MYO9A: variants seen among roughly 807,000 people sequenced by gnomAD.
The protein encoded by MYO9A is myosin IXA.
Under a neutral mutation model 293.3 loss-of-function variants are expected in MYO9A, and 103 were observed. The ratio of observed to expected loss-of-function variants is 0.35; its 90% CI spans 0.30 to 0.41. The LOEUF (loss-of-function observed/expected upper bound fraction) is 0.41. Among genes scored for constraint, MYO9A ranks in the 10% least tolerant of loss-of-function variants. The probability of loss-of-function intolerance (pLI) is 1.00; values close to 1 mark genes in which losing one functional copy is unlikely to be tolerated. For synonymous variants in MYO9A, 1,001 were observed against 1,035.7 expected, an observed-to-expected ratio of 0.97 and a Z score of 0.64; for missense variants, 2,685 against 3,033.0, an observed-to-expected ratio of 0.89 and a Z score of 2.69.
intron 34 of MYO9A, among the ~76,000 whole-genome samples, 178 bp downstream of exon 34, chr15:71,859,557 A>ATG (rs1387410767): frequency 6.6e-6 from 1 of 152,226 alleles, no homozygotes; most frequent in Non-Finnish European, 1.5e-5. Context: ...TTTTGTACAT[A>ATG]TATCACCAAA....
Position 71,878,115 on chromosome 15 carries a change from A to G in MYO9A, c.5856T>C (p.Val1952=). The change falls in exon 31 of 42, where the codon GTT becomes GTC. Residue 1952 remains valine (V), a synonymous_variant. Coordinates refer to ENST00000356056, the MANE Select transcript of MYO9A (RefSeq NM_006901.4). The part of the protein sequence containing the change: ...RDSLGESPVR[V]WVNTFKVFLD... ...AAAACACTTTAAAAGTGTTGACCCA[A>G]ACTCTCACTGGAGATTCACCCAGTG... 6.2e-7 allele frequency: 1 copy of G among 1,611,830 alleles called. No homozygotes were observed. The highest frequency in any genetic ancestry group is 8.5e-7 in the Non-Finnish European group (1 of 1,179,344).
intron 1 of MYO9A, among the ~76,000 whole-genome samples, chr15:72,072,757 G>C (rs2079233106): frequency 6.6e-6 from 1 of 152,122 alleles, no homozygotes; most frequent in Admixed American, 6.6e-5. Context: ...GTGTGAGGAG[G>C]GGAGGAGGGA....
At chr15:72,026,609 TGAAATAG>T (rs1212921308) in intron 4 of MYO9A, among the ~76,000 whole-genome samples, 1 of 150,092 alleles carries the variant, frequency 6.7e-6, no homozygotes, top group African/African-American at 2.5e-5. Flanking sequence ...CAGAAATAAA[TGAAATAG>T]GAAATAGGAA....
intron 18 of MYO9A, among the ~76,000 whole-genome samples, chr15:71,926,277 T>C (rs556228621): frequency 2.1e-4 from 32 of 152,280 alleles, no homozygotes; most frequent in Admixed American, 9.8e-4. Flanking sequence ...TGAGTGACAG[T>C]TCCAAGCCAT....
At chr15:72,056,242 T>C (rs1375043727) in intron 1 of MYO9A, among the ~76,000 whole-genome samples, 3 of 152,062 alleles carry the variant, frequency 2.0e-5, no homozygotes, top group Admixed American at 1.3e-4. Context: ...ACTGAGTACC[T>C]ACCCAGAGAA....
intron 3 of MYO9A, among the ~76,000 whole-genome samples, chr15:72,028,221 A>ATG (rs2053831509): frequency 1.5e-5 from 2 of 136,784 alleles, no homozygotes; most frequent in South Asian, 4.4e-4. Context: ...ATAAATAAAT[A>ATG]TATATATATA....
intron 1 of MYO9A, among the ~76,000 whole-genome samples, chr15:72,065,291 A>G (rs2078986095): frequency 6.6e-6 from 1 of 152,042 alleles, no homozygotes; most frequent in Non-Finnish European, 1.5e-5. Flanking sequence ...CGAGGCAGGC[A>G]GAACACCTGA....
chr15:71,858,113 G>A (rs1232583253), intron 34 of MYO9A, among the ~76,000 whole-genome samples: 1 of 152,310 alleles, frequency 6.6e-6, no homozygotes, highest in Non-Finnish European at 1.5e-5. Flanking sequence ...AACAACAGGT[G>A]CTGGAGAGGA....
intron 6 of MYO9A, among the ~76,000 whole-genome samples, chr15:72,011,083 C>T (rs2077158871): frequency 6.6e-6 from 1 of 151,638 alleles, no homozygotes; most frequent in Non-Finnish European, 1.5e-5. Context: ...GATCTTGGCT[C>T]ACTGCAGCTT....
At chr15:71,845,589 T>C (rs2055350284) in intron 39 of MYO9A, among the ~76,000 whole-genome samples, 1 of 152,222 alleles carries the variant, frequency 6.6e-6, no homozygotes, top group South Asian at 2.1e-4. Context: ...CAAGCAATTG[T>C]GGGTTCAACT....
At position 71,879,856 on chromosome 15, in the gene MYO9A, G is replaced by A. The variant is rs2142461469; in HGVS notation, c.5623-19C>T. 6.7e-7 allele frequency: 1 copy of A among 1,484,134 alleles called. No individual in the cohort carries two copies. The highest frequency in any genetic ancestry group is 1.1e-5 in the South Asian group (1 of 87,826). The allele number at this position is 1,484,134 out of a possible 1,614,324, so 91.9% of individuals were successfully genotyped here. A position where few individuals can be genotyped will look rare whatever the true frequency, so the allele number is the denominator to read the frequency against. On this transcript the variant is annotated intron_variant, in intron 29 of 41. Coordinates refer to ENST00000356056, the MANE Select transcript of MYO9A (RefSeq NM_006901.4). ...CATTCACCTGGGAACCACAAAACGA[G>A]TTTTAGTACACAATCAACTAATTGA...
At chr15:71,941,396 T>C (rs1273543721) in intron 15 of MYO9A, among the ~76,000 whole-genome samples, 2 of 152,030 alleles carry the variant, frequency 1.3e-5, no homozygotes, top group African/African-American at 2.4e-5. Context: ...GATCGCGCCA[T>C]TGCACTCCAG....
intron 1 of MYO9A, among the ~76,000 whole-genome samples, chr15:72,077,780 T>TATAA (rs2079417839): frequency 9.0e-6 from 1 of 111,640 alleles, no homozygotes; most frequent in African/African-American, 3.1e-5. Flanking sequence ...TATATATATA[T>TATAA]AAACACATAA....
intron 1 of MYO9A, among the ~76,000 whole-genome samples, chr15:72,096,198 C>T (rs1596560017): frequency 1.3e-5 from 2 of 150,622 alleles, no homozygotes; most frequent in Middle Eastern, 3.4e-3. Flanking sequence ...ATTAGCTGGG[C>T]ATGGTGGTGC....
chr15:71,892,239 C>T (rs1209862221), intron 26 of MYO9A: 1 of 152,208 alleles, frequency 6.6e-6, no homozygotes, highest in Non-Finnish European at 1.5e-5. Context: ...TCAAACACAA[C>T]ACCAATGTTA....
chr15:71,962,935 ATTC>A (rs1490111631), intron 13 of MYO9A, among the ~76,000 whole-genome samples: 1 of 152,126 alleles, frequency 6.6e-6, no homozygotes, highest in South Asian at 2.1e-4. Flanking sequence ...TGACCATATC[ATTC>A]TTCTTCAAAA....
chr15:72,002,246 AT>A (rs34970982), intron 8 of MYO9A, among the ~76,000 whole-genome samples: 540 of 140,114 alleles, frequency 3.9e-3, no homozygotes, highest in Middle Eastern at 7.6e-3. Flanking sequence ...TGACCAGCTA[AT>A]TTTTTTTTTT....
At chr15:71,847,023 G>A (rs1466951608) in intron 39 of MYO9A, among the ~76,000 whole-genome samples, 1 of 152,204 alleles carries the variant, frequency 6.6e-6, no homozygotes, top group Non-Finnish European at 1.5e-5. Context: ...GAAAGTAATA[G>A]TAAGTATTTC....
rs543134563 is a variant in MYO9A at position 71,851,603 on chromosome 15, G to A, written c.6476-245C>T. ...TCCTTAATAACAGCAAGGGGATAGAGATGTTCTAGTTTTTCAGTCATTGTG... is the reference window on the plus strand; with the variant it reads ...TCCTTAATAACAGCAAGGGGATAGAAATGTTCTAGTTTTTCAGTCATTGTG... On this transcript the variant is annotated intron_variant, in intron 36 of 41. Transcript: ENST00000356056. Among the ~76,000 whole-genome samples the A allele has an allele frequency of 2.0e-4, 31 of 152,240 alleles. No individual in the cohort carries two copies. The South Asian group carries it at 4.4e-3, about 21-fold the overall frequency.
Sources: gnomAD v4.1 joint callset for allele counts (sites outside exome capture counted in the v4.1 genomes callset) on GRCh38, gnomAD v4.1.1 for gene constraint, MANE v1.5 for transcripts, NCBI Gene and HGNC (gene_info 2026-07-23, HGNC 2026-07-21) for gene names.